The following LRRC7 variants were observed in gnomAD, a reference collection of about 807,000 sequenced individuals.
LRRC7 encodes the protein leucine rich repeat containing 7, also known as leucine-rich repeat-containing protein 7.
Under a neutral mutation model 175.7 loss-of-function variants are expected in LRRC7, and 23 were observed. The ratio of observed to expected loss-of-function variants is 0.13; its 90% CI spans 0.09 to 0.19. The LOEUF is 0.19. Among genes scored for constraint, LRRC7 ranks in the 10% least tolerant of loss-of-function variants. The pLI is 1.00. For synonymous variants in LRRC7, 685 were observed against 680.9 expected (o/e 1.01, Z -0.09); for missense variants, 1,354 against 1,904.7 (o/e 0.71, Z 5.38).
intron 14 of LRRC7, among the ~76,000 whole-genome samples, chr1:70,018,231 C>G (rs1657133799): frequency 6.6e-6 from 1 of 152,016 alleles, no homozygotes; most frequent in Admixed American, 6.6e-5. Context: ...AGTACAGTTG[C>G]TTATCTATAA....
intron 10 of LRRC7, among the ~76,000 whole-genome samples, chr1:69,991,959 A>G (rs1316129670): frequency 1.3e-5 from 2 of 152,108 alleles, no homozygotes; most frequent in African/African-American, 4.8e-5. Context: ...GAAAAATAAA[A>G]GAAAAAGAAA....
chr1:69,931,402 T>C (rs907298513), intron 7 of LRRC7, 105 bp from the exon 8 acceptor site: 10 of 809,072 alleles, frequency 1.2e-5, no homozygotes, highest in African/African-American at 3.4e-5. Flanking sequence ...CCCAGTTTTG[T>C]GTACTACGCA....
At chr1:69,854,114 T>A (rs1683315476) in intron 7 of LRRC7, among the ~76,000 whole-genome samples, 1 of 152,208 alleles carries the variant, frequency 6.6e-6, no homozygotes, top group African/African-American at 2.4e-5. Context: ...AAAATTTCTT[T>A]TCTTGTTTTC....
intron 8 of LRRC7, among the ~76,000 whole-genome samples, chr1:69,951,935 A>G (rs1190907365): frequency 2.0e-5 from 3 of 152,052 alleles, no homozygotes; most frequent in South Asian, 4.1e-4. Context: ...TAAAAGTTTA[A>G]AACATAAATT....
At chr1:70,042,534 C>G (rs1179537784) in intron 21 of LRRC7, among the ~76,000 whole-genome samples, 2 of 152,264 alleles carry the variant, frequency 1.3e-5, no homozygotes, top group Non-Finnish European at 2.9e-5. Flanking sequence ...AGAGGCAGCT[C>G]CAAGAACTAC....
intron 1 of LRRC7, among the ~76,000 whole-genome samples, chr1:69,612,173 T>C (rs1438378615): frequency 6.6e-6 from 1 of 152,034 alleles, no homozygotes; most frequent in Non-Finnish European, 1.5e-5. Flanking sequence ...TTAAGCAAAC[T>C]GAAATTAAAA....
intron 7 of LRRC7, among the ~76,000 whole-genome samples, chr1:69,865,469 C>CTTTTTTTTTTTTTTT (rs532063540): frequency 2.1e-4 from 11 of 51,262 alleles, no homozygotes; most frequent in Admixed American, 7.2e-4. Flanking sequence ...AAGACAGTTC[C>CTTTTTTTTTTTTTTT]TTTTTTTTTT....
At chr1:69,816,791 C>A (rs1340903051) in intron 4 of LRRC7, among the ~76,000 whole-genome samples, 1 of 152,122 alleles carries the variant, frequency 6.6e-6, no homozygotes, top group East Asian at 1.9e-4. Context: ...CTTTGGCCAA[C>A]ACCTCCTCAT....
chr1:69,576,932 G>C (rs1487748952), intron 1 of LRRC7, among the ~76,000 whole-genome samples: 1 of 152,094 alleles, frequency 6.6e-6, no homozygotes, highest in Admixed American at 6.6e-5. Flanking sequence ...AATAATACCT[G>C]TTTTATCTTT....
At chr1:69,831,693 C>T (rs1680544094) in intron 5 of LRRC7, among the ~76,000 whole-genome samples, 1 of 152,030 alleles carries the variant, frequency 6.6e-6, no homozygotes, top group Non-Finnish European at 1.5e-5. Flanking sequence ...TTTATGGCAA[C>T]ATCCTCTATG....
intron 24 of LRRC7, among the ~76,000 whole-genome samples, chr1:70,079,744 C>T (rs1663073631): frequency 6.6e-6 from 1 of 152,150 alleles, no homozygotes; most frequent in Non-Finnish European, 1.5e-5. Context: ...TGCATAAGGT[C>T]CTGCACTTAA....
At chr1:69,798,023 G>C (rs1372265139) in intron 4 of LRRC7, among the ~76,000 whole-genome samples, 2 of 151,880 alleles carry the variant, frequency 1.3e-5, no homozygotes, top group Non-Finnish European at 2.9e-5. Flanking sequence ...TCAGGTTCAA[G>C]AGATTCTCCT....
chr1:70,093,109 G>A (rs1664147368), intron 25 of LRRC7, among the ~76,000 whole-genome samples: 1 of 152,094 alleles, frequency 6.6e-6, no homozygotes, highest in South Asian at 2.1e-4. Flanking sequence ...ACACTGGATG[G>A]AAATTAGTTG....
chr1:69,635,686 T>G (rs1653237759), intron 1 of LRRC7, among the ~76,000 whole-genome samples: 1 of 151,998 alleles, frequency 6.6e-6, no homozygotes, highest in Admixed American at 6.6e-5. Flanking sequence ...TAATAACAAT[T>G]TAGAACAAAG....
intron 1 of LRRC7, among the ~76,000 whole-genome samples, chr1:69,593,116 A>G (rs1028785217): frequency 6.6e-6 from 1 of 152,132 alleles, no homozygotes; most frequent in Non-Finnish European, 1.5e-5. Flanking sequence ...TCAGAGAATC[A>G]GTTCCAGAGA....
chr1:69,723,538 G>C (rs760404239), intron 2 of LRRC7, among the ~76,000 whole-genome samples: 4 of 152,114 alleles, frequency 2.6e-5, no homozygotes, highest in Non-Finnish European at 5.9e-5. Flanking sequence ...TTATTAATAA[G>C]AGAATTTGGA....
At chr1:69,889,689 C>A (rs973273699) in intron 7 of LRRC7, among the ~76,000 whole-genome samples, 3 of 150,702 alleles carry the variant, frequency 2.0e-5, no homozygotes, top group Non-Finnish European at 4.4e-5. Flanking sequence ...CACCTGTAGT[C>A]CCAGCTACTC....
At position 70,107,799 on chromosome 1, in the gene LRRC7, A is replaced by G. The variant is rs1192240310; in HGVS notation, c.4593A>G (p.Leu1531=). The G allele has an allele frequency of 1.9e-6, 3 of 1,613,264 alleles. No individual in the cohort carries two copies. Among genetic ancestry groups the G allele is most frequent in the Non-Finnish European group, 2.5e-6 (3 of 1,179,394 alleles). The change falls in exon 26 of 27, where the codon CTA becomes CTG. Residue 1531 remains leucine, a synonymous_variant. Coordinates refer to ENST00000651989, the MANE Select transcript of LRRC7 (RefSeq NM_001370785.2). ...AGCCTGATGGGCCAGCATCAAACCT[A>G]CTGCAGCCTGGTGATAAGATCCTTC... ...RVQPDGPASN[L]LQPGDKILQA... is the part of the protein sequence containing the mutation.
At chr1:69,929,131 A>G (rs929352130) in intron 7 of LRRC7, among the ~76,000 whole-genome samples, 1 of 152,176 alleles carries the variant, frequency 6.6e-6, no homozygotes, top group African/African-American at 2.4e-5. Flanking sequence ...AGACCTCACA[A>G]TAGTATTTTT....
Sources: gnomAD v4.1 joint callset for allele counts (sites outside exome capture counted in the v4.1 genomes callset) on GRCh38, gnomAD v4.1.1 for gene constraint, MANE v1.5 for transcripts, NCBI Gene and HGNC (gene_info 2026-07-23, HGNC 2026-07-21) for gene names.